Variants in GRM4 observed in about 807,000 individuals in gnomAD.
GRM4 encodes metabotropic glutamate receptor 4.
GRM4 carries 28 observed loss-of-function variants against 81.7 expected under a neutral mutation model. The observed-to-expected ratio is 0.34, with a 90% CI of 0.25 to 0.47. The LOEUF is 0.47. Among genes scored for constraint, GRM4 ranks in the 20% least tolerant of loss-of-function variants. The pLI is 1.00. For missense variants in GRM4, 948 were observed against 1,290.0 expected (o/e 0.73, Z 4.06); for synonymous variants, 488 against 528.8 (o/e 0.92, Z 1.06).
chr6:34,146,145 C>T, upstream of GRM4: 1 of 985,536 alleles, frequency 1.0e-6, no homozygotes, highest in Non-Finnish European at 1.2e-6. Context: ...ACTGGAACCT[C>T]ACACATCCGC....
chr6:34,057,843 G>C (rs1316764093), intron 5 of GRM4, among the ~76,000 whole-genome samples: 1 of 152,180 alleles, frequency 6.6e-6, no homozygotes, highest in African/African-American at 2.4e-5. Flanking sequence ...AGGGATGCTG[G>C]GGAGGCTAAA....
In GRM4 at chr6:34,068,450, G is replaced by A. The variant is rs1047701054; in HGVS notation, c.737-6422C>T. Among the ~76,000 whole-genome samples the A allele has an allele frequency of 1.3e-5, 2 of 152,116 alleles. No homozygotes were observed. The highest frequency in any genetic ancestry group is 2.9e-5 in the Non-Finnish European group (2 of 68,008). ...TTAGGTTTACAGGAGGTCTGACCGT[G>A]GCAGGACCCTCTGAGCCCCCACTGT... On this transcript the variant is annotated intron_variant, in intron 3 of 10. Coordinates refer to ENST00000538487, the MANE Select transcript of GRM4 (RefSeq NM_000841.4). The surrounding 1 kb of genome is among the most constrained non-coding windows in gnomAD (Gnocchi z 4.2).
At position 34,136,155 on chromosome 6, in the gene GRM4, C is replaced by G. The variant is rs1417379067; in HGVS notation, c.-363-2296G>C. 1.3e-5 allele frequency among the ~76,000 whole-genome samples: 2 copies of G among 152,200 alleles called. No homozygotes were observed. Among genetic ancestry groups the G allele is most frequent in the Admixed American group, 6.5e-5 (1 of 15,276 alleles). ...CTTTACCTACATTTTCTCATGTAAT[C>G]CCCACATCCCTATGAGCTTCATGGT... is the stretch of plus-strand genomic sequence containing the variant. On this transcript the variant is annotated intron_variant, in intron 1 of 10. Transcript: ENST00000538487. This position sits in a 1 kb window ranked among gnomAD's most constrained non-coding sequence, Gnocchi z 4.1.
In GRM4 at chr6:34,035,559, T is replaced by TGAAAGAAGGCAGAATGAGTCAA; in HGVS notation, c.2442+108_2442+109insTTGACTCATTCTGCCTTCTTTC. On this transcript the variant is annotated intron_variant, in intron 9 of 10. Transcript: ENST00000538487. The surrounding 1 kb of genome is among the most constrained non-coding windows in gnomAD (Gnocchi z 6.6). The stretch of plus-strand genomic sequence containing the variant: ...GCAAGAAAGAAGGCAGAATGAGGCA[T>TGAAAGAAGGCAGAATGAGTCAA]GAAAGAAGGCATTTCTGGAGCAGGG... 3.4e-6 allele frequency: 2 copies of TGAAAGAAGGCAGAATGAGTCAA among 581,980 alleles called. No homozygotes were observed. Among genetic ancestry groups the TGAAAGAAGGCAGAATGAGTCAA allele is most frequent in the African/African-American group, 2.3e-5 (1 of 42,600 alleles). 36.1% of individuals were successfully genotyped at this position (581,980 alleles called of 1,614,324 possible). A position where few individuals can be genotyped will look rare whatever the true frequency, so the allele number is the denominator to read the frequency against.
chr6:34,096,381 T>C (rs1164657006), intron 2 of GRM4, among the ~76,000 whole-genome samples: 1 of 152,068 alleles, frequency 6.6e-6, no homozygotes, highest in East Asian at 1.9e-4. Context: ...CAGGCAGCCC[T>C]CCCTGAGCCC....
chr6:34,056,435 C>A (rs1413416930), intron 6 of GRM4, 109 bp downstream of exon 6: 11 of 1,033,298 alleles, frequency 1.1e-5, no homozygotes, highest in Non-Finnish European at 1.5e-5. Flanking sequence ...CGTCCTGCCA[C>A]GGCCGGCCGA....
At chr6:34,110,810 G>C in intron 2 of GRM4, 1 of 1,385,872 alleles carries the variant, frequency 7.2e-7, no homozygotes, top group Non-Finnish European at 9.3e-7. Context: ...CAGGCCATCT[G>C]TCTTGCCTGG....
At chr6:34,105,307 G>A (rs1166524789) in intron 2 of GRM4, among the ~76,000 whole-genome samples, 1 of 152,106 alleles carries the variant, frequency 6.6e-6, no homozygotes, top group African/African-American at 2.4e-5. Context: ...CTGACCCCTG[G>A]GAGGGGAGTC....
Position 34,036,511 on chromosome 6 carries a change from C to T in GRM4, c.1599G>A (p.Val533=), listed in dbSNP as rs1232755193. 3.1e-6 allele frequency: 5 copies of T among 1,612,538 alleles called. No homozygotes were observed. The African/African-American group carries it at 5.3e-5, about 17-fold the overall frequency. ...PCQPGERKKT[V]KGMPCCWHCE... is the part of the protein sequence containing the mutation. ...AGTGCCAGCAGCAAGGCATGCCCTTCACTGTCTTCTTCCGCTCACCCGGTT... is the reference window on the plus strand; with the variant it reads ...AGTGCCAGCAGCAAGGCATGCCCTTTACTGTCTTCTTCCGCTCACCCGGTT... Residue 533 remains valine, a synonymous_variant, in exon 9 of 11, where the codon GTG becomes GTA. Transcript: ENST00000538487. This position sits in a 1 kb window ranked among gnomAD's most constrained non-coding sequence, Gnocchi z 9.0.
At position 34,087,334 on chromosome 6, in the gene GRM4, G is replaced by A. The variant is rs139947149; in HGVS notation, c.736+4549C>T. Among the ~76,000 whole-genome samples the A allele has an allele frequency of 9.2e-3, 1,387 of 150,770 alleles. 25 individuals carry two copies. Among genetic ancestry groups the A allele is most frequent in the African/African-American group, 0.031 (1,285 of 41,018 alleles). ...CTTGGGAGGCTGAGGCAGGAGAATC[G>A]TTTGAATCCGGGAGGTGGAGGTTGC... On this transcript the variant is annotated intron_variant, in intron 3 of 10. Transcript: ENST00000538487.
intron 6 of GRM4, chr6:34,054,870 G>A (rs958583800): frequency 6.6e-5 from 10 of 152,178 alleles, no homozygotes; most frequent in African/African-American, 2.4e-4. Context: ...AAGAACCGAA[G>A]GGGATGCTCT....
chr6:34,109,681 GATT>G (rs1769285970), intron 2 of GRM4, among the ~76,000 whole-genome samples: 2 of 152,128 alleles, frequency 1.3e-5, no homozygotes, highest in South Asian at 4.1e-4. Flanking sequence ...TGGAGGGCAG[GATT>G]ACCCTCTACG....
chr6:34,041,412 C>T (rs183794488), intron 6 of GRM4, among the ~76,000 whole-genome samples: 2 of 152,298 alleles, frequency 1.3e-5, no homozygotes, highest in African/African-American at 4.8e-5. Flanking sequence ...GATAAGTGAA[C>T]TTTGCAAACT....
At position 34,035,575 on chromosome 6, in the gene GRM4, T is replaced by A; in HGVS notation, c.2442+93A>T. 1 of 623,092 alleles carries A rather than the reference T, an allele frequency of 1.6e-6. No individual in the cohort carries two copies. The highest frequency in any genetic ancestry group is 3.1e-5 in the East Asian group (1 of 32,334). The allele number at this position is 623,092 out of a possible 1,614,324, so 38.6% of individuals were successfully genotyped here. On this transcript the variant is annotated intron_variant, in intron 9 of 10. Transcript: ENST00000538487. This position sits in a 1 kb window ranked among gnomAD's most constrained non-coding sequence, Gnocchi z 6.6. ...AATGAGGCATGAAAGAAGGCATTTC[T>A]GGAGCAGGGGGGAGGCCAGCCAGCC...
At chr6:34,104,550 C>A (rs1769021940) in intron 2 of GRM4, among the ~76,000 whole-genome samples, 1 of 152,160 alleles carries the variant, frequency 6.6e-6, no homozygotes, top group African/African-American at 2.4e-5. Context: ...CAGCAAGTGG[C>A]AAAGTGAGAT....
chr6:34,144,939 C>T (rs1770861601), intron 1 of GRM4, among the ~76,000 whole-genome samples: 1 of 152,026 alleles, frequency 6.6e-6, no homozygotes, highest in African/African-American at 2.4e-5. Context: ...CCTAGGGCTC[C>T]GGGGGCGCCA....
rs774157661 is a variant in GRM4 at position 34,036,614 on chromosome 6, C to T, written c.1507-11G>A. 4 of 1,492,330 alleles carry T rather than the reference C, an allele frequency of 2.7e-6. No individual in the cohort carries two copies. Among genetic ancestry groups the T allele is most frequent in the Non-Finnish European group, 3.7e-6 (4 of 1,094,766 alleles). 92.4% of individuals were successfully genotyped at this position (1,492,330 alleles called of 1,614,324 possible). On this transcript the variant is annotated splice_polypyrimidine_tract_variant and intron_variant, in intron 8 of 10. Transcript: ENST00000538487. This position sits in a 1 kb window ranked among gnomAD's most constrained non-coding sequence, Gnocchi z 9.0. ...GTGCATCCGCTCTATCTGGCAATGACAGCACCGTAAAGCAGGCCTCAGAAC... is the reference window on the plus strand; with the variant it reads ...GTGCATCCGCTCTATCTGGCAATGATAGCACCGTAAAGCAGGCCTCAGAAC...
intron 5 of GRM4, 139 bp from the exon 6 acceptor site, chr6:34,056,823 A>C (rs1454031297): frequency 2.1e-6 from 2 of 941,326 alleles, no homozygotes; most frequent in African/African-American, 3.3e-5. Context: ...ATCCAGGAGA[A>C]AACAAAATGT....
chr6:34,027,390 C>G (rs1764182510), intron 10 of GRM4, among the ~76,000 whole-genome samples: 1 of 152,174 alleles, frequency 6.6e-6, no homozygotes, highest in African/African-American at 2.4e-5. Flanking sequence ...CCCTCAGCTG[C>G]CGAGGTCCCT....
Sources: allele counts gnomAD v4.1 joint callset (sites outside exome capture counted in the v4.1 genomes callset), GRCh38; gene constraint gnomAD v4.1.1; non-coding constraint Gnocchi (gnomAD v3.1); transcripts MANE v1.5; gene names NCBI Gene and HGNC (gene_info 2026-07-23, HGNC 2026-07-21).